Variants in MARCHF1 observed in about 807,000 individuals in gnomAD.
MARCHF1 encodes membrane associated ring-CH-type finger 1.
Under a neutral mutation model 54.2 loss-of-function variants are expected in MARCHF1, and 40 were observed. That is an observed-to-expected ratio of 0.74 (90% CI 0.57 to 0.96). MARCHF1 has a LOEUF of 0.96. Ranked by LOEUF, MARCHF1 falls within the 40% of genes least tolerant of loss-of-function variation. MARCHF1 has a pLI of 0.00. For synonymous variants in MARCHF1, 236 were observed against 236.3 expected (o/e 1.00, Z 0.01); for missense variants, 586 against 656.5 (o/e 0.89, Z 1.17).
In MARCHF1 at chr4:163,526,428, C is replaced by G. The variant is rs181561888; in HGVS notation, c.*2320G>C. On this transcript the variant is annotated 3_prime_UTR_variant, in exon 10 of 10. Transcript: ENST00000514618. Reference sequence around the variant, plus strand: ...TTGCTGGTGTCTGGATGTTTTTCCCCGGGAATATCTGTAAGCAGCATGTTG... The same window carrying G: ...TTGCTGGTGTCTGGATGTTTTTCCCGGGGAATATCTGTAAGCAGCATGTTG... 3 of 151,982 alleles carry G rather than the reference C, an allele frequency of 2.0e-5. No homozygotes were observed. The highest frequency in any genetic ancestry group is 2.9e-5 in the Non-Finnish European group (2 of 67,906). The allele number at this position is 151,982 out of a possible 1,614,324, so 9.4% of individuals were successfully genotyped here. A position where few individuals can be genotyped will look rare whatever the true frequency, so the allele number is the denominator to read the frequency against.
intron 4 of MARCHF1, among the ~76,000 whole-genome samples, chr4:163,754,936 G>A (rs550021573): frequency 2.0e-5 from 3 of 152,196 alleles, no homozygotes; most frequent in Admixed American, 6.5e-5. Flanking sequence ...AAGATTCAAC[G>A]GATGAACTGC....
chr4:163,876,339 TAG>T (rs1750289235), intron 3 of MARCHF1, among the ~76,000 whole-genome samples: 1 of 152,184 alleles, frequency 6.6e-6, no homozygotes, highest in African/African-American at 2.4e-5. Context: ...ATTCCTAAAA[TAG>T]AGACTTGGAT....
intron 4 of MARCHF1, among the ~76,000 whole-genome samples, chr4:163,821,176 C>T (rs1748683275): frequency 6.6e-6 from 1 of 151,808 alleles, no homozygotes; most frequent in Non-Finnish European, 1.5e-5. Context: ...CTGGGGCATG[C>T]TTCCCTCCCT....
At chr4:163,736,335 C>T (rs748177100) in intron 4 of MARCHF1, among the ~76,000 whole-genome samples, 3 of 152,108 alleles carry the variant, frequency 2.0e-5, no homozygotes, top group Admixed American at 1.3e-4. Context: ...GGGCAGGTGG[C>T]ATTGACAGCA....
At chr4:163,733,831 A>G (rs1745953190) in intron 4 of MARCHF1, among the ~76,000 whole-genome samples, 1 of 152,224 alleles carries the variant, frequency 6.6e-6, no homozygotes, top group Non-Finnish European at 1.5e-5. Context: ...GCTTTTATCA[A>G]AATAAAGAAC....
At chr4:164,106,783 A>T (rs1376476691) in intron 2 of MARCHF1, among the ~76,000 whole-genome samples, 2 of 151,784 alleles carry the variant, frequency 1.3e-5, no homozygotes, top group Non-Finnish European at 2.9e-5. Context: ...AAAAAATAAA[A>T]AAAAAAAAGG....
At chr4:164,008,019 A>C (rs1021660170) in intron 2 of MARCHF1, among the ~76,000 whole-genome samples, 1 of 152,140 alleles carries the variant, frequency 6.6e-6, no homozygotes, top group Non-Finnish European at 1.5e-5. Flanking sequence ...TCAATTCTCC[A>C]ATTAAAAGGC....
chr4:164,093,042 T>C (rs1336318176), intron 2 of MARCHF1, among the ~76,000 whole-genome samples: 2 of 152,168 alleles, frequency 1.3e-5, no homozygotes, highest in East Asian at 3.9e-4. Context: ...CTGGGTAAGA[T>C]GGAATGCATG....
chr4:163,618,204 T>C (rs1741575339), intron 5 of MARCHF1, among the ~76,000 whole-genome samples: 2 of 152,180 alleles, frequency 1.3e-5, no homozygotes, highest in Non-Finnish European at 2.9e-5. Flanking sequence ...TGTGCCTGAA[T>C]CCTCGGCCCT....
At chr4:164,275,335 C>A (rs1020090869) in intron 1 of MARCHF1, among the ~76,000 whole-genome samples, 1 of 152,194 alleles carries the variant, frequency 6.6e-6, no homozygotes, top group African/African-American at 2.4e-5. Context: ...CTACCGCAAA[C>A]AGCCCTTCAC....
At chr4:164,082,676 G>A (rs1297436138) in intron 2 of MARCHF1, among the ~76,000 whole-genome samples, 2 of 151,920 alleles carry the variant, frequency 1.3e-5, no homozygotes, top group Admixed American at 1.3e-4. Flanking sequence ...CAGAGAAATG[G>A]CAAAAAAAAG....
chr4:163,671,863 G>T (rs1327519462), intron 5 of MARCHF1, among the ~76,000 whole-genome samples: 1 of 151,896 alleles, frequency 6.6e-6, no homozygotes, highest in Non-Finnish European at 1.5e-5. Context: ...AAGAGAACAG[G>T]AAGTATGTTC....
At chr4:164,013,342 A>C (rs1323175266) in intron 2 of MARCHF1, among the ~76,000 whole-genome samples, 2 of 152,166 alleles carry the variant, frequency 1.3e-5, no homozygotes, top group African/African-American at 4.8e-5. Context: ...ATCAATATAC[A>C]CAATTAGAGG....
intron 1 of MARCHF1, among the ~76,000 whole-genome samples, chr4:164,144,432 C>T (rs977320196): frequency 5.3e-5 from 8 of 151,000 alleles, no homozygotes; most frequent in African/African-American, 1.7e-4. Context: ...TAAAGCTCTC[C>T]TCAGCAAATG....
chr4:163,645,757 T>C (rs1290424727), intron 5 of MARCHF1, among the ~76,000 whole-genome samples: 1 of 152,086 alleles, frequency 6.6e-6, no homozygotes, highest in African/African-American at 2.4e-5. Context: ...TTAAAAAGCT[T>C]GAAGACAGAT....
At chr4:164,236,726 G>C (rs550868226) in intron 1 of MARCHF1, among the ~76,000 whole-genome samples, 2 of 152,046 alleles carry the variant, frequency 1.3e-5, no homozygotes, top group African/African-American at 4.8e-5. Context: ...TTAGTAAGTA[G>C]TCAAATTCAC....
intron 8 of MARCHF1, among the ~76,000 whole-genome samples, chr4:163,560,443 T>C (rs573903284): frequency 4.6e-5 from 7 of 152,222 alleles, no homozygotes; most frequent in Non-Finnish European, 8.8e-5. Flanking sequence ...ATAATATGTC[T>C]TTAAATCAGG....
intron 4 of MARCHF1, among the ~76,000 whole-genome samples, chr4:163,790,017 G>A (rs1252560969): frequency 6.6e-6 from 1 of 152,018 alleles, no homozygotes; most frequent in East Asian, 1.9e-4. Flanking sequence ...AAAAAAGTAG[G>A]TTCATGATAA....
intron 1 of MARCHF1, among the ~76,000 whole-genome samples, chr4:164,115,945 A>G (rs1755930386): frequency 6.6e-6 from 1 of 151,288 alleles, no homozygotes; most frequent in Non-Finnish European, 1.5e-5. Context: ...TCCAAATTTT[A>G]AAATTTGCTC....
Sources: gnomAD v4.1 joint callset for allele counts (sites outside exome capture counted in the v4.1 genomes callset) on GRCh38, gnomAD v4.1.1 for gene constraint, MANE v1.5 for transcripts, NCBI Gene and HGNC (gene_info 2026-07-23, HGNC 2026-07-21) for gene names.